NGDN: variants seen among roughly 807,000 people sequenced by gnomAD.
NGDN encodes EIF4E-binding protein.
In NGDN, 41 loss-of-function variants were observed where a neutral mutation model predicts 45.2. The observed-to-expected ratio is 0.91, with a 90% confidence interval of 0.71 to 1.18. The LOEUF (loss-of-function observed/expected upper bound fraction) is 1.18, where lower values mean the gene tolerates loss of function less well. Among genes scored for constraint, NGDN ranks in the 50% most tolerant of loss-of-function variants. The pLI is 0.00. For synonymous variants in NGDN, 137 were observed against 130.9 expected (o/e 1.05, Z -0.32); for missense variants, 402 against 399.9 (o/e 1.01, Z -0.05).
At chr14:23,475,338 A>G (rs1259021563) in intron 4 of NGDN, 30 bp downstream of exon 4, 2 of 1,592,392 alleles carry the variant, frequency 1.3e-6, no homozygotes, top group East Asian at 2.2e-5. Flanking sequence ...TTGGAGTTTT[A>G]GGTTTCTAAA....
chr14:23,472,928 A>G (rs958199188), intron 3 of NGDN, among the ~76,000 whole-genome samples: 1 of 152,168 alleles, frequency 6.6e-6, no homozygotes, highest in Non-Finnish European at 1.5e-5. Flanking sequence ...GAATTTGACA[A>G]TGCCCAAGCA....
chr14:23,477,872 G>T, intron 10 of NGDN, 135 bp from the exon 11 acceptor site: 1 of 1,561,696 alleles, frequency 6.4e-7, no homozygotes, highest in Non-Finnish European at 8.6e-7. Flanking sequence ...CTCGTCTTTT[G>T]TCCTGGGAAG....
intron 10 of NGDN, 95 bp from the exon 11 acceptor site, chr14:23,477,912 C>A: frequency 6.2e-7 from 1 of 1,611,772 alleles, no homozygotes; most frequent in Non-Finnish European, 8.5e-7. Flanking sequence ...GGAGACCCCA[C>A]CCCTGTGAGC....
At chr14:23,472,556 G>T (rs1397121290) in intron 3 of NGDN, among the ~76,000 whole-genome samples, 1 of 152,156 alleles carries the variant, frequency 6.6e-6, no homozygotes, top group Non-Finnish European at 1.5e-5. Context: ...AGGTCTGGTA[G>T]AACCTTCTCA....
intron 4 of NGDN, 91 bp downstream of exon 4, chr14:23,475,399 T>C: frequency 7.0e-7 from 1 of 1,420,288 alleles, no homozygotes. Context: ...GTGAGTCTTC[T>C]CATGTTTAAG....
chr14:23,478,117 T>C lies in NGDN; in HGVS notation c.*91T>C, dbSNP rs968297481. On this transcript the variant is annotated 3_prime_UTR_variant, in exon 11 of 11. Coordinates refer to ENST00000408901, the MANE Select transcript of NGDN (RefSeq NM_001042635.2). ...GTGGTTTTCCCTGGAATTCATTAAT[T>C]GTTTGCTTTGGACATGTGGAAAGAG... 2.3e-6 allele frequency: 3 copies of C among 1,315,512 alleles called. No individual in the cohort carries two copies. Among genetic ancestry groups the C allele is most frequent in the Non-Finnish European group, 3.3e-6 (3 of 913,622 alleles). 81.5% of individuals were successfully genotyped at this position (1,315,512 alleles called of 1,614,324 possible). A position where few individuals can be genotyped will look rare whatever the true frequency, so the allele number is the denominator to read the frequency against.
downstream of NGDN, chr14:23,478,344 AGTATTGAGAGACGAGGCTG>A (rs745355262): frequency 2.8e-5 from 9 of 319,534 alleles, no homozygotes; most frequent in Non-Finnish European, 4.6e-5. Flanking sequence ...CGTCACAAAA[AGTATTGAGAGACGAGGCTG>A]GTATAATCAA....
At chr14:23,476,189 GT>G in intron 7 of NGDN, 37 bp downstream of exon 7, 3 of 1,613,980 alleles carry the variant, frequency 1.9e-6, no homozygotes, top group Non-Finnish European at 2.5e-6. Flanking sequence ...AGCATGAACT[GT>G]TTCTCTTTTC....
chr14:23,472,225 G>A (rs185653917), intron 3 of NGDN, among the ~76,000 whole-genome samples: 158 of 150,072 alleles, frequency 1.1e-3, no homozygotes, highest in African/African-American at 3.7e-3. Flanking sequence ...AGAAGAAAAG[G>A]TGGCTCACAC....
In NGDN at chr14:23,470,899, A is replaced by G. The variant is rs761155177; in HGVS notation, c.73-7A>G. On this transcript the variant is annotated splice_polypyrimidine_tract_variant and splice_region_variant and intron_variant, in intron 2 of 10. Transcript: ENST00000408901. The stretch of plus-strand genomic sequence containing the variant: ...CTAATCACTTGTTTTATTTGGGCTA[A>G]TTTCAGGTGATGGCTGTAACTGCAC... 1.3e-6 allele frequency: 2 copies of G among 1,565,160 alleles called. No homozygotes were observed. The highest frequency in any genetic ancestry group is 4.7e-5 in the East Asian group (2 of 42,354).
rs1893931176 is a variant in NGDN, at chr14:23,477,490, C to T, written c.871-13C>T. 3 of 1,614,000 alleles carry T rather than the reference C, an allele frequency of 1.9e-6. No individual in the cohort carries two copies. Among genetic ancestry groups the T allele is most frequent in the East Asian group, 2.2e-5 (1 of 44,892 alleles). On this transcript the variant is annotated splice_polypyrimidine_tract_variant and intron_variant, in intron 9 of 10. Transcript: ENST00000408901. Reference sequence around the variant, plus strand: ...CCACAGTGCCATTCCATCACTTCTCCATCTGTCTCCAGGATCAGAATCCTA... The same window carrying T: ...CCACAGTGCCATTCCATCACTTCTCTATCTGTCTCCAGGATCAGAATCCTA...
At chr14:23,475,346 A>G (rs1263992427) in intron 4 of NGDN, 38 bp downstream of exon 4, 1 of 1,587,324 alleles carries the variant, frequency 6.3e-7, no homozygotes, top group Non-Finnish European at 8.6e-7. Context: ...TTAGGTTTCT[A>G]AATTTTGAGC....
At chr14:23,474,323 T>C (rs1893849726) in intron 3 of NGDN, among the ~76,000 whole-genome samples, 1 of 152,190 alleles carries the variant, frequency 6.6e-6, no homozygotes, top group East Asian at 1.9e-4. Context: ...TTCTCAGGGC[T>C]GTGAAGTTTG....
chr14:23,475,698 G>C, intron 5 of NGDN, 28 bp from the exon 6 acceptor site: 1 of 1,614,014 alleles, frequency 6.2e-7, no homozygotes, highest in South Asian at 1.1e-5. Flanking sequence ...TCCAAATTTT[G>C]TAAAATTCAT....
Position 23,469,706 on chromosome 14 carries a change from CT to C in NGDN, c.-7del. 1 of 1,614,134 alleles carries C rather than the reference CT, an allele frequency of 6.2e-7. No individual in the cohort carries two copies. Among genetic ancestry groups the C allele is most frequent in the South Asian group, 1.1e-5 (1 of 91,084 alleles). Reference sequence around the variant, plus strand: ...GAAGTACGACACCGGAAGGGGTGGGCTTTGCGAAGATGGCGGCGCTGGTGAG... The same window carrying C: ...GAAGTACGACACCGGAAGGGGTGGGCTTGCGAAGATGGCGGCGCTGGTGAG... On this transcript the variant is annotated 5_prime_UTR_variant, in exon 1 of 11. Coordinates refer to ENST00000408901, the MANE Select transcript of NGDN (RefSeq NM_001042635.2).
rs1479542765 is a variant in NGDN at position 23,476,108 on chromosome 14, T to A, written c.500T>A (p.Val167Glu). 3.7e-6 allele frequency: 6 copies of A among 1,613,778 alleles called. No homozygotes were observed. The East Asian group carries it at 8.9e-5, about 24-fold the overall frequency. ...TCAGGGAAGAAATCTGTGAAGGGAG[T>A]GTCTAAGAAATATGTTCCTCCACGC... ...EASGKKSVKG[V>E]SKKYVPPRLV... The change falls in exon 7 of 11, where the codon GTG becomes GAG. Residue 167 changes from valine to glutamate, a missense_variant. Physicochemically the swap from Val to Glu is moderately radical, Grantham distance 121 (BLOSUM62 -2). Transcript: ENST00000408901.
chr14:23,477,349 TTGA>T lies in NGDN; in HGVS notation c.867_869del (p.Asp289del), dbSNP rs922886967. On this transcript the variant is annotated inframe_deletion, in exon 9 of 11. Coordinates refer to ENST00000408901, the MANE Select transcript of NGDN (RefSeq NM_001042635.2). ...GCTTTGACAGGGGGAACTGTTCATC[TTGA>T]TGAGGTGAGGTTGAGATATGGTTGT... The T allele has an allele frequency of 2.0e-5, 33 of 1,614,078 alleles. No individual in the cohort carries two copies. The highest frequency in any genetic ancestry group is 2.7e-5 in the Non-Finnish European group (32 of 1,180,022).
At chr14:23,477,141 G>T (rs1893921162) in intron 8 of NGDN, 59 bp from the exon 9 acceptor site, 1 of 1,567,162 alleles carries the variant, frequency 6.4e-7, no homozygotes, top group African/African-American at 1.3e-5. Flanking sequence ...CCCAGGTTGT[G>T]GGCTGGAGCT....
At chr14:23,472,858 A>G (rs1893814640) in intron 3 of NGDN, among the ~76,000 whole-genome samples, 1 of 152,160 alleles carries the variant, frequency 6.6e-6, no homozygotes, top group African/African-American at 2.4e-5. Context: ...CTTATTGTCC[A>G]TTTTTATTTA....
Sources: gnomAD v4.1 joint callset for allele counts (sites outside exome capture counted in the v4.1 genomes callset) on GRCh38, gnomAD v4.1.1 for gene constraint, MANE v1.5 for transcripts, NCBI Gene and HGNC (gene_info 2026-07-23, HGNC 2026-07-21) for gene names.